SDK1: variants seen among roughly 807,000 people sequenced by gnomAD.
The protein encoded by SDK1 is sidekick cell adhesion molecule 1.
A neutral mutation model predicts 245.5 loss-of-function variants in SDK1; 157 were observed. The observed-to-expected ratio is 0.64, with a 90% confidence interval of 0.56 to 0.73. The LOEUF (loss-of-function observed/expected upper bound fraction) is 0.73, where lower values mean the gene tolerates loss of function less well. Ranked by LOEUF, SDK1 falls within the 30% of genes least tolerant of loss-of-function variation. The probability of loss-of-function intolerance (pLI) is 0.00; values close to 1 mark genes in which losing one functional copy is unlikely to be tolerated. For synonymous variants in SDK1, 1,647 were observed against 1,278.5 expected (o/e 1.29, Z -6.15); for missense variants, 3,583 against 3,002.3 (o/e 1.19, Z -4.52).
In SDK1 at chr7:3,998,014, G is replaced by A. The variant is rs548641632; in HGVS notation, c.2131+10692G>A. 7.9e-5 allele frequency among the ~76,000 whole-genome samples: 12 copies of A among 152,330 alleles called. No individual in the cohort carries two copies. In the East Asian group the frequency reaches 1.7e-3, roughly 22 times the overall value. On this transcript the variant is annotated intron_variant, in intron 14 of 44. Transcript: ENST00000404826. The stretch of plus-strand genomic sequence containing the variant: ...TGCAAGAATGCCTGAGTCTGCAGCC[G>A]CGGGTTTTGGCAGCTGCAGCTGTGC...
At chr7:3,825,377 A>G (rs1021029754) in intron 5 of SDK1, among the ~76,000 whole-genome samples, 2 of 151,980 alleles carry the variant, frequency 1.3e-5, no homozygotes, top group African/African-American at 4.8e-5. Context: ...ACAGTGGTTA[A>G]TCAGTCATTG....
intron 1 of SDK1, among the ~76,000 whole-genome samples, chr7:3,482,132 A>T (rs1781540685): frequency 6.6e-6 from 1 of 152,262 alleles, no homozygotes; most frequent in Non-Finnish European, 1.5e-5. Context: ...AAATAGGGTA[A>T]TACTGGTGTG....
At chr7:4,136,094 A>G (rs1779070068) in intron 28 of SDK1, among the ~76,000 whole-genome samples, 1 of 152,204 alleles carries the variant, frequency 6.6e-6, no homozygotes, top group Non-Finnish European at 1.5e-5. Context: ...AAGGATAATC[A>G]CTTAAATACT....
chr7:3,616,465 A>G (rs1259699293), intron 1 of SDK1, among the ~76,000 whole-genome samples: 1 of 152,188 alleles, frequency 6.6e-6, no homozygotes, highest in African/African-American at 2.4e-5. Context: ...CGTACTGCCC[A>G]AGGGTACTCG....
At chr7:3,344,675 T>C (rs1316439594) in intron 1 of SDK1, among the ~76,000 whole-genome samples, 1 of 152,182 alleles carries the variant, frequency 6.6e-6, no homozygotes, top group African/African-American at 2.4e-5. Context: ...TCGTTGTTGC[T>C]GGACTGGACG....
At chr7:3,311,874 G>A (rs956333280) in intron 1 of SDK1, among the ~76,000 whole-genome samples, 2 of 152,222 alleles carry the variant, frequency 1.3e-5, no homozygotes, top group African/African-American at 4.8e-5. Context: ...CTCAAGGCCT[G>A]TGGTGGTTTC....
In SDK1 at chr7:3,347,051, A is replaced by T. The variant is rs115544835; in HGVS notation, c.298+45167A>T. Among the ~76,000 whole-genome samples, 876 of 151,322 alleles carry T rather than the reference A, an allele frequency of 5.8e-3. 9 individuals carry two copies. The highest frequency in any genetic ancestry group is 0.02 in the African/African-American group (812 of 41,200). On this transcript the variant is annotated intron_variant, in intron 1 of 44. Transcript: ENST00000404826. Reference sequence around the variant, plus strand: ...ACTTCATACACCAAAGTCTGCAGTTAAATTCTTGCTGTTCCCTGAAAGACT... The same window carrying T: ...ACTTCATACACCAAAGTCTGCAGTTTAATTCTTGCTGTTCCCTGAAAGACT...
At chr7:3,307,796 GTCTC>G (rs1215240929) in intron 1 of SDK1, among the ~76,000 whole-genome samples, 2 of 152,112 alleles carry the variant, frequency 1.3e-5, no homozygotes, top group East Asian at 1.9e-4. Context: ...AAGTCTATTA[GTCTC>G]TCTGAGTCTG....
At chr7:3,719,802 C>T (rs951166381) in intron 4 of SDK1, among the ~76,000 whole-genome samples, 1 of 151,864 alleles carries the variant, frequency 6.6e-6, no homozygotes, top group Non-Finnish European at 1.5e-5. Context: ...CATGGTGAAA[C>T]CCCGTCTCTA....
intron 5 of SDK1, 26 bp from the exon 6 acceptor site, chr7:3,950,897 G>T: frequency 6.3e-7 from 1 of 1,581,636 alleles, no homozygotes; most frequent in Non-Finnish European, 8.7e-7. Context: ...AGAGTTTCAT[G>T]GACATTTCTC....
At chr7:3,419,869 C>A (rs928994911) in intron 1 of SDK1, among the ~76,000 whole-genome samples, 1 of 152,120 alleles carries the variant, frequency 6.6e-6, no homozygotes, top group Non-Finnish European at 1.5e-5. Flanking sequence ...CTAGAAGTTT[C>A]ACAATCAAAA....
At chr7:3,321,284 C>CTGGGTCA (rs1273027906) in intron 1 of SDK1, among the ~76,000 whole-genome samples, 1 of 152,204 alleles carries the variant, frequency 6.6e-6, no homozygotes, top group African/African-American at 2.4e-5. Flanking sequence ...TTTGATTTTG[C>CTGGGTCA]TGGGTCACTT....
At chr7:4,092,920 T>G (rs1781901340) in intron 22 of SDK1, among the ~76,000 whole-genome samples, 6 of 152,190 alleles carry the variant, frequency 3.9e-5, no homozygotes, top group Admixed American at 3.9e-4. Flanking sequence ...TCACGTTTCT[T>G]CCCTTTCATC....
chr7:4,002,020 C>T (rs1673309624), intron 14 of SDK1, among the ~76,000 whole-genome samples: 1 of 152,242 alleles, frequency 6.6e-6, no homozygotes, highest in Non-Finnish European at 1.5e-5. Flanking sequence ...GTCTGTTCTA[C>T]AAATGTATTT....
chr7:3,975,917 T>C (rs917037023), intron 13 of SDK1, among the ~76,000 whole-genome samples: 1 of 146,952 alleles, frequency 6.8e-6, no homozygotes, highest in African/African-American at 2.5e-5. Context: ...TAGAGGGTCC[T>C]CCAGAGAATC....
intron 1 of SDK1, among the ~76,000 whole-genome samples, chr7:3,605,939 A>ATC (rs1306919450): frequency 5.3e-5 from 8 of 152,148 alleles, no homozygotes; most frequent in South Asian, 2.1e-4. Context: ...TATGATTTGG[A>ATC]ATGATCCAAT....
At chr7:4,200,122 A>G (rs1226151133) in intron 35 of SDK1, among the ~76,000 whole-genome samples, 1 of 152,144 alleles carries the variant, frequency 6.6e-6, no homozygotes, top group African/African-American at 2.4e-5. Flanking sequence ...GGCCAGGAGC[A>G]TCTCTTAGAT....
chr7:4,235,325 G>A (rs184028657), intron 41 of SDK1, among the ~76,000 whole-genome samples: 1,552 of 152,192 alleles, frequency 0.01, 11 homozygotes, highest in South Asian at 0.025. Flanking sequence ...CACCACGCCC[G>A]GCTAATTTTT....
intron 2 of SDK1, among the ~76,000 whole-genome samples, chr7:3,632,518 AT>A (rs1388114638): frequency 3.9e-5 from 6 of 152,038 alleles, no homozygotes; most frequent in African/African-American, 1.2e-4. Flanking sequence ...CATTCACCAG[AT>A]TTATATTCCC....
Sources: gnomAD v4.1 joint callset for allele counts (sites outside exome capture counted in the v4.1 genomes callset) on GRCh38, gnomAD v4.1.1 for gene constraint, MANE v1.5 for transcripts, NCBI Gene and HGNC (gene_info 2026-07-23, HGNC 2026-07-21) for gene names.